The following LMBRD1 variants were observed in gnomAD, a reference collection of about 807,000 sequenced individuals.
LMBRD1 encodes lysosomal cobalamin transport escort protein LMBD1.
In LMBRD1, 64 loss-of-function variants were observed where a neutral mutation model predicts 74.8. That is an observed-to-expected ratio of 0.86 (90% CI 0.70 to 1.05). The LOEUF is 1.05. Among genes scored for constraint, LMBRD1 ranks in the 50% least tolerant of loss-of-function variants. The pLI, the probability that LMBRD1 is intolerant of heterozygous loss-of-function variation, is 0.00. For missense variants in LMBRD1, 652 were observed against 645.9 expected (o/e 1.01, Z -0.10); for synonymous variants, 204 against 216.3 (o/e 0.94, Z 0.50).
intron 3 of LMBRD1, among the ~76,000 whole-genome samples, chr6:69,757,920 A>T (rs1765300024): frequency 6.6e-6 from 1 of 152,186 alleles, no homozygotes; most frequent in Non-Finnish European, 1.5e-5. Flanking sequence ...AAAAATTTTT[A>T]AGCCTCATGT....
rs565975016 is a variant in LMBRD1, at chr6:69,795,973, G to A, written c.69+840C>T. Among the ~76,000 whole-genome samples, 5 of 152,322 alleles carry A rather than the reference G, an allele frequency of 3.3e-5. No homozygotes were observed. The East Asian group carries it at 9.6e-4, about 29-fold the overall frequency. On this transcript the variant is annotated intron_variant, in intron 1 of 15. Coordinates refer to ENST00000649934, the MANE Select transcript of LMBRD1 (RefSeq NM_018368.4). Reference sequence around the variant, plus strand: ...ACAGAAAGTAACTACAGCCTCGGACGATGAGAAAAGAGAAGATTTGAGAAG... The same window carrying A: ...ACAGAAAGTAACTACAGCCTCGGACAATGAGAAAAGAGAAGATTTGAGAAG...
Position 69,699,160 on chromosome 6 carries a change from G to T in LMBRD1, c.1221C>A (p.Pro407=). 6.2e-7 allele frequency: 1 copy of T among 1,611,796 alleles called. No homozygotes were observed. Among genetic ancestry groups the T allele is most frequent in the Non-Finnish European group, 8.5e-7 (1 of 1,178,362 alleles). ...LYKIRRGRTR[P]QALLFLCMIL... ...TCATGCAGAGAAAAAGGAGTGCTTG[G>T]GGCCTGGTTCTACCTCTTCTGATTT... Residue 407 remains proline, a synonymous_variant, in exon 13 of 16, where the codon CCC becomes CCA. Transcript: ENST00000649934.
rs1006607123 is a variant in LMBRD1, at chr6:69,718,889, A to G, written c.762+67T>C. On this transcript the variant is annotated intron_variant, in intron 8 of 15. Coordinates refer to ENST00000649934, the MANE Select transcript of LMBRD1 (RefSeq NM_018368.4). The stretch of plus-strand genomic sequence containing the variant: ...TTATGGGGTTGACAATGTCTAAGTC[A>G]TATCAGAAAGCAGCTCTAAGACAAA... 6 of 1,549,326 alleles carry G rather than the reference A, an allele frequency of 3.9e-6. No homozygotes were observed. In the African/African-American group the frequency reaches 6.8e-5, roughly 18 times the overall value.
intron 3 of LMBRD1, among the ~76,000 whole-genome samples, chr6:69,773,789 A>G (rs983980329): frequency 2.0e-5 from 3 of 152,242 alleles, no homozygotes; most frequent in Admixed American, 6.5e-5. Flanking sequence ...GCATTTGAAA[A>G]GACCAAATAT....
chr6:69,680,229 T>C (rs1474676989), intron 14 of LMBRD1, among the ~76,000 whole-genome samples: 2 of 152,176 alleles, frequency 1.3e-5, no homozygotes, highest in Non-Finnish European at 2.9e-5. Flanking sequence ...AAGAATGGTA[T>C]CATTCATGGT....
intron 3 of LMBRD1, among the ~76,000 whole-genome samples, chr6:69,765,345 C>T (rs975462341): frequency 2.0e-5 from 3 of 152,094 alleles, no homozygotes; most frequent in African/African-American, 7.2e-5. Flanking sequence ...AATAGTCCAA[C>T]TTTCCCAGCA....
Position 69,685,366 on chromosome 6 carries a change from C to T in LMBRD1, c.1418-8825G>A, listed in dbSNP as rs78421621. ...ATAGTAGTAGTCCTTAAATCCTAGA[C>T]TGAATTTATCAGATGATGTGAGGGG... On this transcript the variant is annotated intron_variant, in intron 14 of 15. Coordinates refer to ENST00000649934, the MANE Select transcript of LMBRD1 (RefSeq NM_018368.4). Among the ~76,000 whole-genome samples, 741 of 152,248 alleles carry T rather than the reference C, an allele frequency of 4.9e-3. 12 individuals are homozygous for T. The highest frequency in any genetic ancestry group is 0.015 in the African/African-American group (617 of 41,548).
At chr6:69,768,611 A>G (rs938604390) in intron 3 of LMBRD1, among the ~76,000 whole-genome samples, 2 of 152,044 alleles carry the variant, frequency 1.3e-5, no homozygotes, top group Non-Finnish European at 2.9e-5. Flanking sequence ...TTTTACAAAG[A>G]TAAGAAAAGG....
intron 3 of LMBRD1, among the ~76,000 whole-genome samples, chr6:69,777,475 T>C (rs1765730380): frequency 6.7e-6 from 1 of 150,106 alleles, no homozygotes; most frequent in African/African-American, 2.4e-5. Context: ...CCCCAGATGA[T>C]TTCTGAAGCT....
chr6:69,796,635 A>AC (rs1421992411), intron 1 of LMBRD1, among the ~76,000 whole-genome samples, 178 bp downstream of exon 1: 7 of 150,872 alleles, frequency 4.6e-5, no homozygotes, highest in East Asian at 2.0e-4. Flanking sequence ...GGAAATCGAC[A>AC]CCCCCCTGCC....
chr6:69,700,726 A>G, intron 12 of LMBRD1, 39 bp downstream of exon 12: 1 of 1,319,384 alleles, frequency 7.6e-7, no homozygotes, highest in Non-Finnish European at 1.0e-6. Flanking sequence ...ATCACACACA[A>G]AATGATGAGA....
Position 69,699,145 on chromosome 6 carries a change from A to C in LMBRD1, c.1236T>G (p.Phe412Leu), listed in dbSNP as rs756630264. 2.2e-5 allele frequency: 35 copies of C among 1,610,816 alleles called. 1 individual carries two copies. The South Asian group carries it at 3.7e-4, about 17-fold the overall frequency. ...RGRTRPQALLFLCMILLLIVL... is the reference protein window; with the variant it reads ...RGRTRPQALLLLCMILLLIVL... ...CAATAAGCAGAAGTATCATGCAGAGAAAAAGGAGTGCTTGGGGCCTGGTTC... is the reference window on the plus strand; with the variant it reads ...CAATAAGCAGAAGTATCATGCAGAGCAAAAGGAGTGCTTGGGGCCTGGTTC... The change falls in exon 13 of 16, where the codon TTT becomes TTG. Residue 412 changes from phenylalanine (F) to leucine (L), a missense_variant. By Grantham distance (22) the Phe-to-Leu change is conservative. Coordinates refer to ENST00000649934, the MANE Select transcript of LMBRD1 (RefSeq NM_018368.4).
At chr6:69,705,825 A>C in intron 9 of LMBRD1, 1 of 1,257,840 alleles carries the variant, frequency 8.0e-7, no homozygotes, top group Non-Finnish European at 1.1e-6. Context: ...AATGTTGTTC[A>C]CTAATATGCA....
chr6:69,790,034 C>T (rs891587114), intron 2 of LMBRD1, among the ~76,000 whole-genome samples: 2 of 152,184 alleles, frequency 1.3e-5, no homozygotes, highest in African/African-American at 2.4e-5. Context: ...AAATAAGCTT[C>T]AAGGGAGTTA....
intron 7 of LMBRD1, among the ~76,000 whole-genome samples, chr6:69,722,214 A>AGAAAG (rs1766631250): frequency 6.6e-6 from 1 of 152,222 alleles, no homozygotes; most frequent in African/African-American, 2.4e-5. Context: ...CAAGTATGAA[A>AGAAAG]GATAAAGATC....
At chr6:69,773,893 C>G (rs1310991986) in intron 3 of LMBRD1, among the ~76,000 whole-genome samples, 1 of 152,162 alleles carries the variant, frequency 6.6e-6, no homozygotes, top group East Asian at 1.9e-4. Context: ...TTGCCTGCAT[C>G]AATATAGATG....
At chr6:69,689,805 T>C (rs542722881) in intron 14 of LMBRD1, among the ~76,000 whole-genome samples, 3 of 152,234 alleles carry the variant, frequency 2.0e-5, no homozygotes, top group Admixed American at 6.5e-5. Context: ...TGTTTTAGAC[T>C]TTATTATGAA....
chr6:69,676,528 A>G lies in LMBRD1; in HGVS notation c.1431T>C (p.Val477=), dbSNP rs1325358681. Residue 477 remains valine (V), a synonymous_variant, in exon 15 of 16, where the codon GTT becomes GTC. Coordinates refer to ENST00000649934, the MANE Select transcript of LMBRD1 (RefSeq NM_018368.4). ...DADAPEDQCT[V]TRTYLFLHKF... Reference sequence around the variant, plus strand: ...TGTGAAGGAATAGGTATGTCCGGGTAACAGTACACTGATCTGTGAAAGCAA... The same window carrying G: ...TGTGAAGGAATAGGTATGTCCGGGTGACAGTACACTGATCTGTGAAAGCAA... 3 of 1,612,588 alleles carry G rather than the reference A, an allele frequency of 1.9e-6. No individual in the cohort carries two copies. Among genetic ancestry groups the G allele is most frequent in the Non-Finnish European group, 1.7e-6 (2 of 1,178,786 alleles).
chr6:69,793,228 T>C (rs1766128970), intron 1 of LMBRD1, among the ~76,000 whole-genome samples: 1 of 152,164 alleles, frequency 6.6e-6, no homozygotes, highest in Non-Finnish European at 1.5e-5. Context: ...AGATTCAAAA[T>C]AAATTGGTCT....
Sources: gnomAD v4.1 joint callset for allele counts (sites outside exome capture counted in the v4.1 genomes callset) on GRCh38, gnomAD v4.1.1 for gene constraint, MANE v1.5 for transcripts, NCBI Gene and HGNC (gene_info 2026-07-23, HGNC 2026-07-21) for gene names.